The following ERC2 variants were observed in gnomAD, a reference collection of about 807,000 sequenced individuals.
ERC2 encodes ERC protein 2.
In ERC2, 42 loss-of-function variants were observed where a neutral mutation model predicts 114.8. The observed-to-expected ratio is 0.37, with a 90% CI of 0.29 to 0.47. The LOEUF is 0.47. Ranked by LOEUF, ERC2 falls within the 20% of genes least tolerant of loss-of-function variation. ERC2 has a pLI of 0.99. For missense variants in ERC2, 939 were observed against 1,150.7 expected (o/e 0.82, Z 2.66); for synonymous variants, 454 against 425.5 (o/e 1.07, Z -0.82).
chr3:55,672,961 C>T (rs1250095451), intron 17 of ERC2, among the ~76,000 whole-genome samples: 1 of 152,122 alleles, frequency 6.6e-6, no homozygotes, highest in African/African-American at 2.4e-5. Flanking sequence ...AAAATAATAA[C>T]ATGGAGAAAA....
chr3:55,775,577 TAAATAAAA>T lies in ERC2; in HGVS notation c.2565-40667_2565-40660del, dbSNP rs1195711681. On this transcript the variant is annotated intron_variant, in intron 14 of 17. Coordinates refer to ENST00000288221, the MANE Select transcript of ERC2 (RefSeq NM_015576.3). ...ATAAATAAATAAATAAATAAATAAA[TAAATAAAA>T]AAGGAAAAAGTGAGACAGACAGAGA... Among the ~76,000 whole-genome samples, 827 of 139,820 alleles carry T rather than the reference TAAATAAAA, an allele frequency of 5.9e-3. 10 individuals carry two copies. The highest frequency in any genetic ancestry group is 0.022 in the African/African-American group (788 of 35,384). The allele number at this position is 139,820 out of a possible 152,430, so 91.7% of individuals were successfully genotyped here.
chr3:56,222,046 G>C (rs563271484), intron 3 of ERC2, among the ~76,000 whole-genome samples: 8 of 152,312 alleles, frequency 5.3e-5, no homozygotes, highest in African/African-American at 1.9e-4. Context: ...ACTCATCAGT[G>C]TAAGAAGAGA....
At chr3:56,437,538 C>A (rs763491758) in intron 1 of ERC2, among the ~76,000 whole-genome samples, 2 of 152,196 alleles carry the variant, frequency 1.3e-5, no homozygotes, top group African/African-American at 2.4e-5. Flanking sequence ...GTGACACATA[C>A]AGTATGAAAA....
chr3:55,927,938 T>G lies in ERC2; in HGVS notation c.2403+22487A>C, dbSNP rs1215070806. 1.1e-4 allele frequency among the ~76,000 whole-genome samples: 17 copies of G among 152,370 alleles called. No homozygotes were observed. The East Asian group carries it at 3.3e-3, about 29-fold the overall frequency. The stretch of plus-strand genomic sequence containing the variant: ...CCATGTTGTTGCAAATGACAGGATC[T>G]CATTCTGTGTTATGGCTGAATGGTA... On this transcript the variant is annotated intron_variant, in intron 13 of 17. Coordinates refer to ENST00000288221, the MANE Select transcript of ERC2 (RefSeq NM_015576.3).
At chr3:55,787,636 G>A (rs996761272) in intron 14 of ERC2, among the ~76,000 whole-genome samples, 1 of 151,972 alleles carries the variant, frequency 6.6e-6, no homozygotes, top group African/African-American at 2.4e-5. Flanking sequence ...TATTTTAAAT[G>A]GGAAATAGGA....
At chr3:56,153,035 G>A (rs1233445285) in intron 4 of ERC2, among the ~76,000 whole-genome samples, 1 of 152,162 alleles carries the variant, frequency 6.6e-6, no homozygotes, top group Non-Finnish European at 1.5e-5. Flanking sequence ...AAAGTGGGAT[G>A]GGAAGATTGA....
At chr3:55,638,707 T>C (rs960344344) in intron 17 of ERC2, among the ~76,000 whole-genome samples, 2 of 152,220 alleles carry the variant, frequency 1.3e-5, no homozygotes, top group Admixed American at 6.5e-5. Flanking sequence ...CAAATACTTT[T>C]ATGTTGTTGG....
chr3:55,583,411 C>T lies in ERC2; in HGVS notation c.*40-72135G>A, dbSNP rs558974026. On this transcript the variant is annotated intron_variant, in intron 17 of 17. Transcript: ENST00000288221. ...CTTTCCTTCCTTCTTTCCTTCCTTC[C>T]TTCCTTCCTTCCTTCCTTCCTTCCT... Among the ~76,000 whole-genome samples, 33 of 119,080 alleles carry T rather than the reference C, an allele frequency of 2.8e-4. 2 individuals are homozygous for T. The highest frequency in any genetic ancestry group is 1.6e-3 in the South Asian group (5 of 3,096). 78.1% of individuals were successfully genotyped at this position (119,080 alleles called of 152,430 possible). A position where few individuals can be genotyped will look rare whatever the true frequency, so the allele number is the denominator to read the frequency against.
At chr3:55,601,547 C>A (rs1055856045) in intron 17 of ERC2, among the ~76,000 whole-genome samples, 5 of 152,198 alleles carry the variant, frequency 3.3e-5, no homozygotes, top group Non-Finnish European at 2.9e-5. Flanking sequence ...TCCTTCGGCA[C>A]TGTAAAATGC....
intron 15 of ERC2, among the ~76,000 whole-genome samples, chr3:55,706,038 G>T (rs936991613): frequency 6.6e-6 from 1 of 151,946 alleles, no homozygotes; most frequent in African/African-American, 2.4e-5. Flanking sequence ...GGCCACAGGT[G>T]CACACTTGGC....
At chr3:55,926,769 C>T (rs2065777884) in intron 13 of ERC2, among the ~76,000 whole-genome samples, 1 of 152,146 alleles carries the variant, frequency 6.6e-6, no homozygotes, top group Non-Finnish European at 1.5e-5. Flanking sequence ...CACAGCACTC[C>T]ACAAGTTTTT....
intron 7 of ERC2, among the ~76,000 whole-genome samples, chr3:56,079,788 C>T (rs1053014303): frequency 3.3e-5 from 5 of 152,074 alleles, no homozygotes; most frequent in African/African-American, 1.2e-4. Context: ...TGACATGAAC[C>T]GTTTTATGCA....
In ERC2 at chr3:56,434,728, G is replaced by A. The variant is rs369750182; in HGVS notation, c.280C>T (p.Arg94Cys). Residue 94 changes from arginine to cysteine, a missense_variant, in exon 2 of 18, where the codon CGT becomes TGT. Physicochemically the swap from Arg to Cys is radical, Grantham distance 180 (BLOSUM62 -3). Transcript: ENST00000288221. The stretch of plus-strand genomic sequence containing the variant: ...GGACTACTCCCCATGGCTGTGACAC[G>A]GCCTCCATATACAGCTCGATTTGTA... ...RATNRAVYGG[R>C]VTAMGSSPNI... 3.3e-5 allele frequency: 54 copies of A among 1,613,806 alleles called. No homozygotes were observed. The highest frequency in any genetic ancestry group is 4.3e-5 in the Non-Finnish European group (51 of 1,179,888).
intron 17 of ERC2, among the ~76,000 whole-genome samples, chr3:55,639,369 G>A (rs1412044370): frequency 6.6e-6 from 1 of 152,116 alleles, no homozygotes; most frequent in African/African-American, 2.4e-5. Flanking sequence ...TGCAGGGGAG[G>A]AATATCTGAG....
At chr3:55,879,145 G>T (rs2063006940) in intron 14 of ERC2, among the ~76,000 whole-genome samples, 1 of 120,804 alleles carries the variant, frequency 8.3e-6, no homozygotes, top group African/African-American at 3.3e-5. Context: ...AGTCCCTCAA[G>T]GGAAGGAACG....
At chr3:56,367,579 A>T (rs2059197091) in intron 2 of ERC2, among the ~76,000 whole-genome samples, 1 of 152,206 alleles carries the variant, frequency 6.6e-6, no homozygotes, top group South Asian at 2.1e-4. Context: ...AGGCATTCAG[A>T]CCACTGTGGA....
At chr3:56,347,411 G>A (rs555752485) in intron 2 of ERC2, among the ~76,000 whole-genome samples, 20 of 151,918 alleles carry the variant, frequency 1.3e-4, no homozygotes, top group African/African-American at 2.9e-4. Flanking sequence ...AGGAAAGCTG[G>A]GAGGCTGGAG....
At chr3:55,762,693 C>T (rs79438877) in intron 14 of ERC2, among the ~76,000 whole-genome samples, 1,871 of 152,202 alleles carry the variant, frequency 0.012, 40 homozygotes, top group African/African-American at 0.042. Flanking sequence ...ACTGACAGAC[C>T]CATGCACTCA....
chr3:56,145,818 C>T (rs550794939), intron 5 of ERC2, among the ~76,000 whole-genome samples: 2 of 152,290 alleles, frequency 1.3e-5, no homozygotes, highest in African/African-American at 4.8e-5. Flanking sequence ...AATCAAAGAA[C>T]TTTCAAGAGA....
Sources: gnomAD v4.1 joint callset for allele counts (sites outside exome capture counted in the v4.1 genomes callset) on GRCh38, gnomAD v4.1.1 for gene constraint, MANE v1.5 for transcripts, NCBI Gene and HGNC (gene_info 2026-07-23, HGNC 2026-07-21) for gene names.